TLCD2: variants seen among roughly 807,000 people sequenced by gnomAD.
TLCD2 encodes the protein TLC domain containing 2, also known as TLC domain-containing protein 2.
In TLCD2, 12 loss-of-function variants were observed where a neutral mutation model predicts 14.0. The ratio of observed to expected loss-of-function variants is 0.86; its 90% CI spans 0.55 to 1.39. TLCD2 has a LOEUF of 1.39. TLCD2 is among the 40% of genes most tolerant of loss of function. The pLI, the probability that TLCD2 is intolerant of heterozygous loss-of-function variation, is 0.00. For synonymous variants in TLCD2, 166 were observed against 156.5 expected, an observed-to-expected ratio of 1.06 and a Z score of -0.45; for missense variants, 360 against 346.8, an observed-to-expected ratio of 1.04 and a Z score of -0.30.
At chr17:1,708,981 G>A (rs1441860297) in intron 3 of TLCD2, among the ~76,000 whole-genome samples, 3 of 152,130 alleles carry the variant, frequency 2.0e-5, no homozygotes, top group East Asian at 3.9e-4. Context: ...TGGCCTGGTG[G>A]GTATCTGGAC....
At chr17:1,709,766 C>A in intron 2 of TLCD2, 38 bp downstream of exon 2, 3 of 1,386,990 alleles carry the variant, frequency 2.2e-6, no homozygotes, top group African/African-American at 1.4e-5. Flanking sequence ...CCCCCCGCCC[C>A]ATCCCCACCA....
intron 2 of TLCD2, 46 bp from the exon 3 acceptor site, chr17:1,709,627 G>C: frequency 6.7e-7 from 1 of 1,497,656 alleles, no homozygotes; most frequent in Non-Finnish European, 9.0e-7. Context: ...AGCCCGGGCA[G>C]CTTAGAGAGG....
chr17:1,707,759 A>G lies in TLCD2; in HGVS notation c.*11T>C, dbSNP rs372920135. The G allele has an allele frequency of 5.1e-5, 75 of 1,475,484 alleles. No individual in the cohort carries two copies. In the African/African-American group the frequency reaches 5.6e-4, roughly 11 times the overall value. The allele number at this position is 1,475,484 out of a possible 1,614,324, so 91.4% of individuals were successfully genotyped here. On this transcript the variant is annotated 3_prime_UTR_variant, in exon 4 of 4. Transcript: ENST00000330676. ...CCCCACCTCCCCCAGCGAGGGGCCC[A>G]TGGCTTCTCTCTAGTCTTTCAGGCT...
chr17:1,704,578 C>T lies in TLCD2; in HGVS notation c.*3192G>A, dbSNP rs201951633. The T allele has an allele frequency of 1.8e-4, 27 of 152,142 alleles. No individual in the cohort carries two copies. The East Asian group carries it at 4.8e-3, about 27-fold the overall frequency. The allele number at this position is 152,142 out of a possible 1,614,324, so 9.4% of individuals were successfully genotyped here. ...TTCCTCAGTCTCGATGTATTTTCAT[C>T]CTTTGCGCCTGTTTTTATGACTCTA... On this transcript the variant is annotated 3_prime_UTR_variant, in exon 4 of 4. Transcript: ENST00000330676.
In TLCD2 at chr17:1,710,232, G is replaced by A. The variant is rs1179291369; in HGVS notation, c.11C>T (p.Thr4Met). 2 of 1,523,622 alleles carry A rather than the reference G, an allele frequency of 1.3e-6. No individual in the cohort carries two copies. Among genetic ancestry groups the A allele is most frequent in the African/African-American group, 1.4e-5 (1 of 71,108 alleles). The allele number at this position is 1,523,622 out of a possible 1,614,324, so 94.4% of individuals were successfully genotyped here. Residue 4 changes from threonine (T) to methionine (M), a missense_variant, in exon 1 of 4, where the codon ACG (threonine) becomes ATG (methionine). Physicochemically the swap from Thr to Met is moderately conservative, Grantham distance 81. Transcript: ENST00000330676. The surrounding 1 kb of genome is among the most constrained non-coding windows in gnomAD (Gnocchi z 6.1). ...GGAGGCGCCGGCCACCAGGAGCCCC[G>A]TGGGCGCCATGGCCTGGCGGTTGGG... MAP[T>M]GLLVAGASFL...
intron 3 of TLCD2, among the ~76,000 whole-genome samples, chr17:1,708,532 G>T (rs1417487631): frequency 4.3e-5 from 6 of 139,724 alleles, no homozygotes; most frequent in Non-Finnish European, 7.6e-5. Flanking sequence ...CTGCCACCAG[G>T]CTGGAGTGCA....
chr17:1,708,475 C>T lies in TLCD2; in HGVS notation c.343-253G>A, dbSNP rs374098679. On this transcript the variant is annotated intron_variant, in intron 3 of 3. Coordinates refer to ENST00000330676, the MANE Select transcript of TLCD2 (RefSeq NM_001164407.2). ...CCTTAACCTCCCATTCCTGGGCTTG[C>T]TTGCTTTTTTTTTTTTTTTTTTTTT... 4.0e-3 allele frequency among the ~76,000 whole-genome samples: 458 copies of T among 114,820 alleles called. 4 individuals are homozygous for T. Among genetic ancestry groups the T allele is most frequent in the African/African-American group, 0.014 (419 of 30,422 alleles). The allele number at this position is 114,820 out of a possible 152,430, so 75.3% of individuals were successfully genotyped here.
chr17:1,708,479 CTTTTTTTTTTTTTT>C (rs70956738), intron 3 of TLCD2, among the ~76,000 whole-genome samples: 1 of 47,844 alleles, frequency 2.1e-5, no homozygotes, highest in Middle Eastern at 0.014. Flanking sequence ...GGCTTGCTTG[CTTTTTTTTTTTTTT>C]TTTTTTTTTT....
At position 1,704,091 on chromosome 17, in the gene TLCD2, G is replaced by C. The variant is rs976078715; in HGVS notation, c.*3679C>G. ...AACACAAAAATTAGCCGAGTGTGGT[G>C]GTGGGTACCTGTAATCCCAGCTACT... On this transcript the variant is annotated 3_prime_UTR_variant, in exon 4 of 4. Transcript: ENST00000330676. 2.0e-5 allele frequency: 3 copies of C among 151,666 alleles called. No homozygotes were observed. The highest frequency in any genetic ancestry group is 7.3e-5 in the African/African-American group (3 of 41,318). The allele number at this position is 151,666 out of a possible 1,614,324, so 9.4% of individuals were successfully genotyped here. A position where few individuals can be genotyped will look rare whatever the true frequency, so the allele number is the denominator to read the frequency against.
In TLCD2 at chr17:1,703,496, A is replaced by G. The variant is rs1157474693; in HGVS notation, c.*4274T>C. 6.6e-6 allele frequency: 1 copy of G among 152,128 alleles called. No homozygotes were observed. The highest frequency in any genetic ancestry group is 1.5e-5 in the Non-Finnish European group (1 of 68,024). The allele number at this position is 152,128 out of a possible 1,614,324, so 9.4% of individuals were successfully genotyped here. A position where few individuals can be genotyped will look rare whatever the true frequency, so the allele number is the denominator to read the frequency against. On this transcript the variant is annotated 3_prime_UTR_variant, in exon 4 of 4. Coordinates refer to ENST00000330676, the MANE Select transcript of TLCD2 (RefSeq NM_001164407.2). ...AGTGGCACGATCTTGGCTCACTGCA[A>G]GCTCCGCCTCCCGGGTTCATGCCAT...
In TLCD2 at chr17:1,709,845, C is replaced by T. The variant is rs1432389468; in HGVS notation, c.218G>A (p.Gly73Asp). Residue 73 changes from glycine (G) to aspartate (D), a missense_variant, in exon 2 of 4, where the codon GGC becomes GAC. Transcript: ENST00000330676. ...YPQMAADPIH[G>D]HPRWALVLVA... ...CAGCACCAGAGCCCAGCGCGGGTGG[C>T]CATGGATGGGGTCGGCGGCCATCTG... The T allele has an allele frequency of 2.0e-6, 3 of 1,535,162 alleles. No homozygotes were observed. The highest frequency in any genetic ancestry group is 3.9e-5 in the Admixed American group (2 of 50,972).
At chr17:1,709,654 C>T in intron 2 of TLCD2, 73 bp from the exon 3 acceptor site, 2 of 1,289,810 alleles carry the variant, frequency 1.6e-6, no homozygotes, top group South Asian at 1.3e-5. Flanking sequence ...AGCCCCCCCG[C>T]CCCGCCCCTC....
In TLCD2 at chr17:1,708,095, G is replaced by A. The variant is rs887324150; in HGVS notation, c.470C>T (p.Ala157Val). 6 of 1,537,122 alleles carry A rather than the reference G, an allele frequency of 3.9e-6. No individual in the cohort carries two copies. The highest frequency in any genetic ancestry group is 4.4e-6 in the Non-Finnish European group (5 of 1,146,910). Residue 157 changes from alanine to valine, a missense_variant, in exon 4 of 4, where the codon GCC (alanine) becomes GTC (valine). Transcript: ENST00000330676. ...LRKLLLLSRQAPSLAFSVTSW... is the reference protein window; with the variant it reads ...LRKLLLLSRQVPSLAFSVTSW... The stretch of plus-strand genomic sequence containing the variant: ...GGTCACGCTGAAGGCCAGGGATGGG[G>A]CCTGGCGAGAAAGCAACAGCAGCTT...
chr17:1,708,319 G>T, intron 3 of TLCD2, 97 bp from the exon 4 acceptor site: 2 of 956,890 alleles, frequency 2.1e-6, no homozygotes, highest in African/African-American at 1.7e-5. Context: ...CACGCAGTCT[G>T]TGGGGCTCCC....
rs938358071 is a variant in TLCD2 at position 1,709,941 on chromosome 17, C to G, written c.177-55G>C. On this transcript the variant is annotated intron_variant, in intron 1 of 3. Coordinates refer to ENST00000330676, the MANE Select transcript of TLCD2 (RefSeq NM_001164407.2). ...GGGCATGGTCAGCCTCTCGAGGCCC[C>G]GGCCGCAGTCTCCCTGTGCGCACCC... 14 of 1,512,206 alleles carry G rather than the reference C, an allele frequency of 9.3e-6. No homozygotes were observed. The Admixed American group carries it at 2.8e-4, about 30-fold the overall frequency. 93.7% of individuals were successfully genotyped at this position (1,512,206 alleles called of 1,614,324 possible). A position where few individuals can be genotyped will look rare whatever the true frequency, so the allele number is the denominator to read the frequency against.
rs1220044190 is a variant in TLCD2 at position 1,705,815 on chromosome 17, CA to C, written c.*1954del. ...TGGCTAAGGGTTGCCTCTCTCAGTC[CA>C]TTGTTTAGTGGAACAGCAGACTTAA... is the stretch of plus-strand genomic sequence containing the variant. On this transcript the variant is annotated 3_prime_UTR_variant, in exon 4 of 4. Transcript: ENST00000330676. 6.6e-6 allele frequency: 1 copy of C among 152,134 alleles called. No homozygotes were observed. The allele number at this position is 152,134 out of a possible 1,614,324, so 9.4% of individuals were successfully genotyped here. A position where few individuals can be genotyped will look rare whatever the true frequency, so the allele number is the denominator to read the frequency against.
Position 1,709,877 on chromosome 17 carries a change from C to A in TLCD2, c.186G>T (p.Leu62=). ...SGTGALLGLS[L]YPQMAADPIH... is the part of the protein sequence containing the mutation. Reference sequence around the variant, plus strand: ...TGGGGTCGGCGGCCATCTGAGGGTACAGTGACAGGCTGGGGGCATGGGGTG... The same window carrying A: ...TGGGGTCGGCGGCCATCTGAGGGTAAAGTGACAGGCTGGGGGCATGGGGTG... Residue 62 remains leucine (L), a synonymous_variant, in exon 2 of 4, where the codon CTG becomes CTT. Coordinates refer to ENST00000330676, the MANE Select transcript of TLCD2 (RefSeq NM_001164407.2). 6.5e-7 allele frequency: 1 copy of A among 1,530,074 alleles called. No individual in the cohort carries two copies. Among genetic ancestry groups the A allele is most frequent in the Non-Finnish European group, 8.7e-7 (1 of 1,143,060 alleles). 94.8% of individuals were successfully genotyped at this position (1,530,074 alleles called of 1,614,324 possible). A position where few individuals can be genotyped will look rare whatever the true frequency, so the allele number is the denominator to read the frequency against.
chr17:1,709,991 C>G, intron 1 of TLCD2, 76 bp downstream of exon 1: 4 of 1,514,572 alleles, frequency 2.6e-6, no homozygotes, highest in Non-Finnish European at 3.5e-6. Context: ...GCTCTGGAGA[C>G]GCCCGGCGGG....
chr17:1,709,079 A>G (rs1318185541), intron 3 of TLCD2, among the ~76,000 whole-genome samples: 1 of 152,116 alleles, frequency 6.6e-6, no homozygotes, highest in African/African-American at 2.4e-5. Context: ...AGACTGTGGG[A>G]AATTATAGGA....
Sources: gnomAD v4.1 joint callset for allele counts (sites outside exome capture counted in the v4.1 genomes callset) on GRCh38, gnomAD v4.1.1 for gene constraint, Gnocchi (gnomAD v3.1) non-coding constraint, MANE v1.5 for transcripts, NCBI Gene and HGNC (gene_info 2026-07-23, HGNC 2026-07-21) for gene names.